Variants in PCLO observed in about 807,000 individuals in gnomAD.
The protein encoded by PCLO is piccolo presynaptic cytomatrix protein, also known as protein piccolo.
PCLO carries 82 observed loss-of-function variants against 427.5 expected under a neutral mutation model. The observed-to-expected ratio is 0.19, with a 90% CI of 0.16 to 0.23. PCLO has a LOEUF of 0.23. Ranked by LOEUF, PCLO falls within the 10% of genes least tolerant of loss-of-function variation. The probability of loss-of-function intolerance (pLI) is 1.00; values close to 1 mark genes in which losing one functional copy is unlikely to be tolerated. For missense variants in PCLO, 6,239 were observed against 6,115.9 expected, an observed-to-expected ratio of 1.02 and a Z score of -0.67; for synonymous variants, 2,357 against 2,155.4, an observed-to-expected ratio of 1.09 and a Z score of -2.59.
At position 82,916,739 on chromosome 7, in the gene PCLO, TCTC is replaced by T. The variant is rs1408190488; in HGVS notation, c.11244_11246del (p.Arg3750del). ...CCATTGTGTTGGTTCTGCAGATCCT[TCTC>T]CTGGAAACTGTGCCCATTGTGCTGA... On this transcript the variant is annotated inframe_deletion, in exon 7 of 25. Coordinates refer to ENST00000333891, the MANE Select transcript of PCLO (RefSeq NM_033026.6). 6.2e-7 allele frequency: 1 copy of T among 1,613,562 alleles called. No homozygotes were observed. Among genetic ancestry groups the T allele is most frequent in the Non-Finnish European group, 8.5e-7 (1 of 1,179,730 alleles).
intron 3 of PCLO, among the ~76,000 whole-genome samples, chr7:82,975,161 AAGTT>A (rs1472289394): frequency 1.3e-5 from 2 of 152,198 alleles, no homozygotes; most frequent in Non-Finnish European, 2.9e-5. Context: ...ACTTAAGCCT[AAGTT>A]AGTCACTAGT....
chr7:82,784,920 A>G (rs1469949809), intron 22 of PCLO, among the ~76,000 whole-genome samples: 1 of 152,140 alleles, frequency 6.6e-6, no homozygotes, highest in African/African-American at 2.4e-5. Flanking sequence ...TATTTTATGT[A>G]TCTGTTCCTC....
In PCLO at chr7:82,786,999, G is replaced by GA. The variant is rs1463621273; in HGVS notation, c.15007+14518_15007+14519insT. 4.7e-3 allele frequency among the ~76,000 whole-genome samples: 710 copies of GA among 151,850 alleles called. 13 individuals carry two copies. Among genetic ancestry groups the GA allele is most frequent in the Non-Finnish European group, 2.9e-3 (198 of 67,922 alleles). ...TTTATCCAGTCTATCACTGATAGGC[G>GA]TTTGGGTTGGTTCCAAGTCTTTTCT... On this transcript the variant is annotated intron_variant, in intron 22 of 24. Coordinates refer to ENST00000333891, the MANE Select transcript of PCLO (RefSeq NM_033026.6).
rs1040092600 is a variant in PCLO, at chr7:82,953,553, A to G, written c.7400T>C (p.Val2467Ala). 6.2e-7 allele frequency: 1 copy of G among 1,613,256 alleles called. No homozygotes were observed. Among genetic ancestry groups the G allele is most frequent in the Non-Finnish European group, 8.5e-7 (1 of 1,179,574 alleles). ...DAVTTLETTA[V>A]LRSNGLPVTR... Reference sequence around the variant, plus strand: ...AACAGGTAATCCATTACTTCTCAGAACAGCTGTGGTCTCTAGAGTAGTAAC... The same window carrying G: ...AACAGGTAATCCATTACTTCTCAGAGCAGCTGTGGTCTCTAGAGTAGTAAC... Residue 2467 changes from valine (V) to alanine (A), a missense_variant, in exon 5 of 25, where the codon GTT becomes GCT. Transcript: ENST00000333891.
Position 82,805,788 on chromosome 7 carries a change from T to A in PCLO, c.14833A>T (p.Thr4945Ser), listed in dbSNP as rs1791446504. Reference sequence around the variant, plus strand: ...CCAAAGCTGCTGCCCGAGGAGCCGGTGGACACAGAGCTTTCTGCAGGCCGG... The same window carrying A: ...CCAAAGCTGCTGCCCGAGGAGCCGGAGGACACAGAGCTTTCTGCAGGCCGG... ...NHRPAESSVSTGSSGSSFGSG... is the reference protein window; with the variant it reads ...NHRPAESSVSSGSSGSSFGSG... The change falls in exon 21 of 25, where the codon ACC (threonine) becomes TCC (serine). Residue 4945 changes from threonine to serine, a missense_variant. Thr to Ser is a moderately conservative substitution (Grantham distance 58, BLOSUM62 1). Transcript: ENST00000333891. The A allele has an allele frequency of 6.2e-7, 1 of 1,608,622 alleles. No individual in the cohort carries two copies. The highest frequency in any genetic ancestry group is 1.7e-5 in the Admixed American group (1 of 59,296).
rs1584227503 is a variant in PCLO at position 82,963,141 on chromosome 7, T to C, written c.4017+2630A>G. On this transcript the variant is annotated intron_variant, in intron 4 of 24. Transcript: ENST00000333891. ...ACAATACCTGTTTCTTTGAGAAAAT[T>C]ATAATGTGGAAACAGCTCTTTGAAG... Among the ~76,000 whole-genome samples, 4 of 152,154 alleles carry C rather than the reference T, an allele frequency of 2.6e-5. No individual in the cohort carries two copies. The South Asian group carries it at 8.3e-4, about 32-fold the overall frequency.
At chr7:83,072,620 G>A (rs1789847314) in intron 3 of PCLO, among the ~76,000 whole-genome samples, 2 of 151,924 alleles carry the variant, frequency 1.3e-5, no homozygotes, top group Non-Finnish European at 1.5e-5. Context: ...ATTTTTCTGG[G>A]AGTCACCTTA....
rs749041261 is a variant in PCLO at position 83,162,464 on chromosome 7, C to T, written c.129G>A (p.Ala43=). 6.3e-7 allele frequency: 1 copy of T among 1,588,946 alleles called. No individual in the cohort carries two copies. The highest frequency in any genetic ancestry group is 1.1e-5 in the South Asian group (1 of 87,350). Residue 43 remains alanine, a synonymous_variant, in exon 1 of 25, where the codon GCG becomes GCA. Transcript: ENST00000333891. ...SHTAIPAGME[A]DLSQLSEEER... ...CCTCTTCGCTCAGCTGGCTCAAATC[C>T]GCCTCCATGCCGGCCGGGATCGCGG...
rs542666556 is a variant in PCLO, at chr7:83,135,165, T to C, written c.2385A>G (p.Leu795=). 1.2e-6 allele frequency: 2 copies of C among 1,613,928 alleles called. No individual in the cohort carries two copies. Among genetic ancestry groups the C allele is most frequent in the South Asian group, 2.2e-5 (2 of 91,080 alleles). ...SQAEEKTTPP[L]KTDSAKPSQS... is the part of the protein sequence containing the mutation. ...GTGAGGGTTTGGCAGAGTCTGTTTT[T>C]AGAGGAGGGGTTGTTTTCTCTTCAG... The change falls in exon 3 of 25, where the codon CTA becomes CTG. Residue 795 remains leucine (L), a synonymous_variant. Coordinates refer to ENST00000333891, the MANE Select transcript of PCLO (RefSeq NM_033026.6).
intron 3 of PCLO, among the ~76,000 whole-genome samples, chr7:83,116,192 A>G (rs1206384312): frequency 6.6e-6 from 1 of 152,032 alleles, no homozygotes; most frequent in Non-Finnish European, 1.5e-5. Context: ...TTGCCATCTG[A>G]TTAGGCAGAT....
intron 20 of PCLO, among the ~76,000 whole-genome samples, chr7:82,808,700 G>T (rs1791507025): frequency 6.6e-6 from 1 of 151,858 alleles, no homozygotes; most frequent in African/African-American, 2.4e-5. Context: ...TACATCTAAG[G>T]TTCTGTCTAT....
At chr7:82,976,814 G>A (rs1451099654) in intron 3 of PCLO, among the ~76,000 whole-genome samples, 1 of 152,090 alleles carries the variant, frequency 6.6e-6, no homozygotes, top group Non-Finnish European at 1.5e-5. Flanking sequence ...ATTCCACAAT[G>A]TTCACATCTA....
intron 3 of PCLO, among the ~76,000 whole-genome samples, chr7:83,008,341 A>T (rs1787998181): frequency 6.6e-6 from 1 of 151,774 alleles, no homozygotes; most frequent in African/African-American, 2.4e-5. Context: ...TAAAACCAAC[A>T]AGAAAGTCTG....
At chr7:82,872,468 G>C (rs1055555966) in intron 10 of PCLO, among the ~76,000 whole-genome samples, 1 of 151,974 alleles carries the variant, frequency 6.6e-6, no homozygotes, top group Non-Finnish European at 1.5e-5. Context: ...TATGTATAGA[G>C]ATGAGAACAC....
At chr7:82,818,931 T>A (rs1174538097) in intron 20 of PCLO, among the ~76,000 whole-genome samples, 2 of 152,224 alleles carry the variant, frequency 1.3e-5, no homozygotes, top group Non-Finnish European at 2.9e-5. Flanking sequence ...GGGACACTTT[T>A]ATCTCAACAC....
chr7:83,045,792 A>G (rs1325043923), intron 3 of PCLO, among the ~76,000 whole-genome samples: 1 of 152,142 alleles, frequency 6.6e-6, no homozygotes, highest in Non-Finnish European at 1.5e-5. Flanking sequence ...ACTGCAAAAG[A>G]GGCAGACCTC....
rs373631736 is a variant in PCLO, at chr7:82,956,852, G to A, written c.4101C>T (p.Ser1367=). The part of the protein sequence containing the change: ...PQGLSDTGYS[S]DGISSSLGEI... ...CACCAAGTGAGCTTGATATTCCATC[G>A]GAAGAATATCCCGTGTCGCTCAGAC... is the stretch of plus-strand genomic sequence containing the variant. Residue 1367 remains serine, a synonymous_variant, in exon 5 of 25, where the codon TCC becomes TCT. Coordinates refer to ENST00000333891, the MANE Select transcript of PCLO (RefSeq NM_033026.6). 1.5e-5 allele frequency: 24 copies of A among 1,613,652 alleles called. No individual in the cohort carries two copies. Among genetic ancestry groups the A allele is most frequent in the East Asian group, 1.3e-4 (6 of 44,866 alleles).
intron 4 of PCLO, among the ~76,000 whole-genome samples, chr7:82,960,058 A>G (rs1795622337): frequency 6.6e-6 from 1 of 152,214 alleles, no homozygotes; most frequent in Non-Finnish European, 1.5e-5. Flanking sequence ...AAAGCCTTCC[A>G]TATTGAAGGC....
At position 82,835,646 on chromosome 7, in the gene PCLO, C is replaced by T. The variant is rs890288652; in HGVS notation, c.14249+21G>A. The stretch of plus-strand genomic sequence containing the variant: ...CAAGACATAGCAGCAGAGCTTGACA[C>T]TGAAAGAGAAACAACTCTACCTTGC... On this transcript the variant is annotated intron_variant, in intron 16 of 24. Transcript: ENST00000333891. 3 of 1,601,710 alleles carry T rather than the reference C, an allele frequency of 1.9e-6. No individual in the cohort carries two copies. In the African/African-American group the frequency reaches 4.0e-5, roughly 21 times the overall value.
Sources: gnomAD v4.1 joint callset for allele counts (sites outside exome capture counted in the v4.1 genomes callset) on GRCh38, gnomAD v4.1.1 for gene constraint, MANE v1.5 for transcripts, NCBI Gene and HGNC (gene_info 2026-07-23, HGNC 2026-07-21) for gene names.